Variants in IL1RAPL1 observed in about 807,000 individuals in gnomAD.
IL1RAPL1 encodes the protein interleukin-1 receptor accessory protein-like 1.
Under a neutral mutation model 48.4 loss-of-function variants are expected in IL1RAPL1, and 3 were observed. That is an observed-to-expected ratio of 0.06 (90% CI 0.03 to 0.16). The LOEUF is 0.16. IL1RAPL1 is among the 10% of genes least tolerant of loss of function. IL1RAPL1 has a pLI of 1.00. For missense variants in IL1RAPL1, 349 were observed against 530.6 expected, an observed-to-expected ratio of 0.66 and a Z score of 3.36; for synonymous variants, 185 against 187.7, an observed-to-expected ratio of 0.99 and a Z score of 0.12.
chrX:29,087,425 C>T (rs1407466049), intron 2 of IL1RAPL1, among the ~76,000 whole-genome samples: 1 of 110,883 alleles, frequency 9.0e-6, no homozygotes, highest in Non-Finnish European at 1.9e-5. Flanking sequence ...CATGAGCCAC[C>T]GTGCCTGGCC....
Position 28,622,949 on chromosome X carries a change from G to A in IL1RAPL1, c.-25+34902G>A, listed in dbSNP as rs770047040. On this transcript the variant is annotated intron_variant, in intron 1 of 10. Coordinates refer to ENST00000378993, the MANE Select transcript of IL1RAPL1 (RefSeq NM_014271.4). ...TCTTAGCACTGAGAGTTAAATAATT[G>A]TGTGTAGAAAAAAATAGGATATACA... Among the ~76,000 whole-genome samples, 33 of 111,426 alleles carry A rather than the reference G, an allele frequency of 3.0e-4. No homozygotes were observed. The South Asian group carries it at 0.011, about 38-fold the overall frequency.
intron 2 of IL1RAPL1, among the ~76,000 whole-genome samples, chrX:29,243,238 A>G (rs1408011099): frequency 8.9e-6 from 1 of 112,288 alleles, no homozygotes; most frequent in Non-Finnish European, 1.9e-5. Flanking sequence ...ATGCTTCAAC[A>G]TCCTTCTCAT....
intron 1 of IL1RAPL1, among the ~76,000 whole-genome samples, chrX:28,677,692 A>T (rs1332998765): frequency 9.1e-6 from 1 of 109,878 alleles, no homozygotes; most frequent in African/African-American, 3.3e-5. Flanking sequence ...GATTCAAGTG[A>T]TTCTCCTGCC....
chrX:29,581,992 C>G (rs1349097493), intron 5 of IL1RAPL1, among the ~76,000 whole-genome samples: 1 of 111,630 alleles, frequency 9.0e-6, no homozygotes, highest in Non-Finnish European at 1.9e-5. Context: ...TTAGTTGAGG[C>G]TTGGGCTGAG....
At chrX:29,848,697 G>T (rs916095510) in intron 6 of IL1RAPL1, among the ~76,000 whole-genome samples, 3 of 111,729 alleles carry the variant, frequency 2.7e-5, no homozygotes, top group Non-Finnish European at 5.6e-5. Context: ...ATGCAGACTG[G>T]ACTACTGTCA....
intron 2 of IL1RAPL1, among the ~76,000 whole-genome samples, chrX:29,265,997 A>T (rs897608782): frequency 1.8e-5 from 2 of 110,985 alleles, no homozygotes; most frequent in Non-Finnish European, 3.8e-5. Flanking sequence ...GAGAAATAGG[A>T]ACACTTTTAC....
At chrX:28,711,024 A>G (rs1056786380) in intron 1 of IL1RAPL1, among the ~76,000 whole-genome samples, 1 of 111,778 alleles carries the variant, frequency 8.9e-6, no homozygotes, top group Non-Finnish European at 1.9e-5. Flanking sequence ...GTACATTTAA[A>G]TGGATCACTC....
Position 28,589,596 on chromosome X carries a change from T to C in IL1RAPL1, c.-25+1549T>C, listed in dbSNP as rs73205753. ...CTGATGATTCCAGCCAAGGTCATAGTTCTTTACCCTAGGATTGAAATATAT... is the reference window on the plus strand; with the variant it reads ...CTGATGATTCCAGCCAAGGTCATAGCTCTTTACCCTAGGATTGAAATATAT... On this transcript the variant is annotated intron_variant, in intron 1 of 10. Coordinates refer to ENST00000378993, the MANE Select transcript of IL1RAPL1 (RefSeq NM_014271.4). 1.0e-3 allele frequency among the ~76,000 whole-genome samples: 114 copies of C among 111,705 alleles called. 1 individual carries two copies. Among genetic ancestry groups the C allele is most frequent in the African/African-American group, 1.9e-3 (60 of 30,788 alleles).
intron 2 of IL1RAPL1, among the ~76,000 whole-genome samples, chrX:29,272,589 T>C (rs968188219): frequency 1.9e-4 from 21 of 111,323 alleles, no homozygotes; most frequent in African/African-American, 6.5e-4. Context: ...TTAACATTCT[T>C]TCTTTTATTT....
intron 5 of IL1RAPL1, among the ~76,000 whole-genome samples, chrX:29,659,241 T>C (rs1388716520): frequency 8.9e-6 from 1 of 111,837 alleles, no homozygotes; most frequent in African/African-American, 3.2e-5. Context: ...GACCAACCAT[T>C]CTATTCTCTA....
chrX:29,496,469 CTTTTTTTT>C (rs60141942), intron 5 of IL1RAPL1, among the ~76,000 whole-genome samples: 1 of 73,274 alleles, frequency 1.4e-5, no homozygotes, highest in South Asian at 8.1e-4. Flanking sequence ...TTTCTTATTC[CTTTTTTTT>C]TTTTTTTTTT....
chrX:29,326,370 G>T (rs192648772), intron 3 of IL1RAPL1, among the ~76,000 whole-genome samples: 2 of 112,161 alleles, frequency 1.8e-5, no homozygotes, highest in Admixed American at 1.9e-4. Context: ...TTTGTCCAAG[G>T]AAAAAGTTTC....
At chrX:28,857,481 C>G (rs774396556) in intron 2 of IL1RAPL1, among the ~76,000 whole-genome samples, 13 of 111,361 alleles carry the variant, frequency 1.2e-4, no homozygotes, top group African/African-American at 3.9e-4. Flanking sequence ...TTGTCAGGTG[C>G]TAATACAGCT....
At chrX:28,743,345 G>A (rs1935934330) in intron 1 of IL1RAPL1, among the ~76,000 whole-genome samples, 2 of 111,399 alleles carry the variant, frequency 1.8e-5, no homozygotes, top group South Asian at 7.4e-4. Context: ...AAATCATCCA[G>A]CATGTAATCT....
chrX:29,008,022 G>C (rs1926024790), intron 2 of IL1RAPL1, among the ~76,000 whole-genome samples: 1 of 111,631 alleles, frequency 9.0e-6, no homozygotes, highest in African/African-American at 3.3e-5. Flanking sequence ...TATTATTTGA[G>C]ACAGCTTCTC....
At chrX:29,040,354 C>A (rs1470705570) in intron 2 of IL1RAPL1, among the ~76,000 whole-genome samples, 3 of 112,121 alleles carry the variant, frequency 2.7e-5, no homozygotes, top group Non-Finnish European at 3.8e-5. Context: ...CTTGCTTAAA[C>A]CAGCTGCTTC....
In IL1RAPL1 at chrX:29,399,149, A is replaced by C. The variant is rs777239297; in HGVS notation, c.550-6A>C. ...GTACTACCAAAATTGTATGTTCTTC[A>C]TATAGGAATGCAGGACAAAAACATG... is the stretch of plus-strand genomic sequence containing the variant. On this transcript the variant is annotated splice_polypyrimidine_tract_variant and splice_region_variant and intron_variant, in intron 4 of 10. Coordinates refer to ENST00000378993, the MANE Select transcript of IL1RAPL1 (RefSeq NM_014271.4). The C allele has an allele frequency of 8.4e-7, 1 of 1,193,376 alleles. No individual in the cohort carries two copies. Among genetic ancestry groups the C allele is most frequent in the South Asian group, 1.8e-5 (1 of 56,522 alleles).
intron 5 of IL1RAPL1, among the ~76,000 whole-genome samples, chrX:29,570,783 C>T (rs1259861891): frequency 2.7e-5 from 3 of 112,241 alleles, no homozygotes; most frequent in African/African-American, 6.5e-5. Flanking sequence ...TACATTGATT[C>T]ACTTGCCCAC....
At chrX:29,843,252 TTAGCTGG>T (rs1330335598) in intron 6 of IL1RAPL1, among the ~76,000 whole-genome samples, 4 of 112,208 alleles carry the variant, frequency 3.6e-5, no homozygotes, top group Admixed American at 1.9e-4. Context: ...TTTTAGAGAT[TTAGCTGG>T]TAAGGTACAT....
Sources: gnomAD v4.1 joint callset for allele counts (sites outside exome capture counted in the v4.1 genomes callset) on GRCh38, gnomAD v4.1.1 for gene constraint, MANE v1.5 for transcripts, NCBI Gene and HGNC (gene_info 2026-07-23, HGNC 2026-07-21) for gene names.